The following AMOTL1 variants were observed in gnomAD, a reference collection of about 807,000 sequenced individuals.
AMOTL1 encodes the protein angiomotin-like protein 1.
A neutral mutation model predicts 102.9 loss-of-function variants in AMOTL1; 45 were observed. The ratio of observed to expected loss-of-function variants is 0.44; its 90% CI spans 0.34 to 0.56. AMOTL1 has a LOEUF of 0.56. AMOTL1 is among the 20% of genes least tolerant of loss of function. The pLI, the probability that AMOTL1 is intolerant of heterozygous loss-of-function variation, is 0.01. For synonymous variants in AMOTL1, 481 were observed against 484.7 expected (o/e 0.99, Z 0.10); for missense variants, 1,114 against 1,225.6 (o/e 0.91, Z 1.36).
intron 6 of AMOTL1, among the ~76,000 whole-genome samples, chr11:94,843,110 T>C (rs1212610255): frequency 6.6e-6 from 1 of 152,148 alleles, no homozygotes; most frequent in Non-Finnish European, 1.5e-5. Context: ...ACAAGCCTCC[T>C]TACCCAAGAA....
chr11:94,843,521 C>A (rs943760127), intron 6 of AMOTL1, among the ~76,000 whole-genome samples: 2 of 152,130 alleles, frequency 1.3e-5, no homozygotes, highest in African/African-American at 4.8e-5. Context: ...AAAGAAATTA[C>A]CTTTGGTATC....
intron 2 of AMOTL1, among the ~76,000 whole-genome samples, chr11:94,796,122 G>A (rs373244806): frequency 5.3e-5 from 8 of 152,158 alleles, no homozygotes; most frequent in African/African-American, 1.4e-4. Context: ...TTTTTTTGCT[G>A]TTGAACTTTG....
intron 1 of AMOTL1, among the ~76,000 whole-genome samples, chr11:94,787,750 T>C (rs2135545620): frequency 8.0e-6 from 1 of 125,216 alleles, no homozygotes; most frequent in South Asian, 2.8e-4. Context: ...AATGCTGTAC[T>C]AGAATGAGAA....
intron 2 of AMOTL1, among the ~76,000 whole-genome samples, chr11:94,730,891 G>C (rs1295539362): frequency 6.6e-6 from 1 of 152,194 alleles, no homozygotes; most frequent in Admixed American, 6.5e-5. Flanking sequence ...GAAAGAAAGT[G>C]TGGTTTTCCC....
chr11:94,850,285 TG>T (rs1289115326), intron 7 of AMOTL1, 26 bp downstream of exon 7: 71 of 1,579,642 alleles, frequency 4.5e-5, no homozygotes, highest in Non-Finnish European at 6.0e-5. Flanking sequence ...GGGGATTTGG[TG>T]GGGAAGAGGG....
At chr11:94,827,906 G>T (rs554421737) in intron 4 of AMOTL1, among the ~76,000 whole-genome samples, 1 of 152,236 alleles carries the variant, frequency 6.6e-6, no homozygotes, top group South Asian at 2.1e-4. Flanking sequence ...TTTCCCTGGT[G>T]CCCTGCCCCT....
At position 94,792,831 on chromosome 11, in the gene AMOTL1, T is replaced by C. The variant is rs139096457; in HGVS notation, c.50-2180T>C. On this transcript the variant is annotated intron_variant, in intron 1 of 12. Coordinates refer to ENST00000433060, the MANE Select transcript of AMOTL1 (RefSeq NM_130847.3). ...AACAGTGGTGAAGGGAAAAGGCATATCTTTGGTGTCCTCTGTGCTCCGGCC... is the reference window on the plus strand; with the variant it reads ...AACAGTGGTGAAGGGAAAAGGCATACCTTTGGTGTCCTCTGTGCTCCGGCC... Among the ~76,000 whole-genome samples, 497 of 152,340 alleles carry C rather than the reference T, an allele frequency of 3.3e-3. 5 individuals are homozygous for C. The highest frequency in any genetic ancestry group is 0.011 in the African/African-American group (471 of 41,560).
At chr11:94,762,869 A>G (rs1376248495) in intron 3 of AMOTL1, among the ~76,000 whole-genome samples, 1 of 152,198 alleles carries the variant, frequency 6.6e-6, no homozygotes, top group African/African-American at 2.4e-5. Flanking sequence ...GCCAGAAGAG[A>G]CTGGTGTGTC....
chr11:94,780,136 C>G (rs1239670208), intron 1 of AMOTL1, among the ~76,000 whole-genome samples: 1 of 152,164 alleles, frequency 6.6e-6, no homozygotes, highest in Admixed American at 6.5e-5. Flanking sequence ...GAGGAAAATT[C>G]TTTTCCTCTT....
chr11:94,821,452 G>C, intron 3 of AMOTL1, 78 bp from the exon 4 acceptor site: 5 of 1,447,416 alleles, frequency 3.5e-6, no homozygotes, highest in Non-Finnish European at 4.7e-6. Context: ...GCCATCAACA[G>C]TGCCAGTATT....
chr11:94,812,341 G>C (rs1951697187), intron 3 of AMOTL1, among the ~76,000 whole-genome samples: 1 of 152,150 alleles, frequency 6.6e-6, no homozygotes, highest in African/African-American at 2.4e-5. Context: ...AACTTGAGGT[G>C]GGGGAGGGGG....
intron 1 of AMOTL1, among the ~76,000 whole-genome samples, chr11:94,774,197 C>T (rs1950992892): frequency 6.6e-6 from 1 of 152,224 alleles, no homozygotes; most frequent in Admixed American, 6.5e-5. Context: ...CCTGTTCTTA[C>T]TCATGGAAGT....
At chr11:94,716,712 T>C (rs1048270917) in intron 1 of AMOTL1, among the ~76,000 whole-genome samples, 2 of 152,112 alleles carry the variant, frequency 1.3e-5, no homozygotes, top group African/African-American at 4.8e-5. Context: ...CGCCTGAGGA[T>C]GGATTGGCCT....
chr11:94,742,624 T>C (rs934272457), intron 3 of AMOTL1, among the ~76,000 whole-genome samples: 2 of 152,222 alleles, frequency 1.3e-5, no homozygotes, highest in Non-Finnish European at 2.9e-5. Context: ...AATGTTTTTT[T>C]CTCTTCAGCT....
At chr11:94,867,082 G>T (rs1276761948) in intron 11 of AMOTL1, among the ~76,000 whole-genome samples, 1 of 152,118 alleles carries the variant, frequency 6.6e-6, no homozygotes, top group Middle Eastern at 3.2e-3. Context: ...TCTCTGTGCA[G>T]CTGAGAGCCA....
intron 3 of AMOTL1, among the ~76,000 whole-genome samples, chr11:94,812,844 A>G (rs1420229733): frequency 6.6e-6 from 1 of 152,022 alleles, no homozygotes; most frequent in South Asian, 2.1e-4. Context: ...TTTTCTGTTG[A>G]TCTCAACCAC....
chr11:94,754,858 T>C (rs1051263616), intron 3 of AMOTL1, among the ~76,000 whole-genome samples: 3 of 152,224 alleles, frequency 2.0e-5, no homozygotes, highest in Non-Finnish European at 4.4e-5. Context: ...TTTGGACACA[T>C]AATACTAAAA....
chr11:94,845,766 G>A (rs892581350), intron 6 of AMOTL1, among the ~76,000 whole-genome samples: 2 of 152,230 alleles, frequency 1.3e-5, no homozygotes, highest in Non-Finnish European at 1.5e-5. Flanking sequence ...CAGTGTATGA[G>A]CAGACATCCT....
chr11:94,740,764 A>G (rs1950509709), intron 2 of AMOTL1, among the ~76,000 whole-genome samples: 1 of 151,702 alleles, frequency 6.6e-6, no homozygotes. Flanking sequence ...GCGATTTGTC[A>G]CTCCCTGGGG....
Sources: gnomAD v4.1 joint callset for allele counts (sites outside exome capture counted in the v4.1 genomes callset) on GRCh38, gnomAD v4.1.1 for gene constraint, MANE v1.5 for transcripts, NCBI Gene and HGNC (gene_info 2026-07-23, HGNC 2026-07-21) for gene names.